Variants in PNPT1 observed in about 807,000 individuals in gnomAD.
PNPT1 encodes the protein polyribonucleotide nucleotidyltransferase 1.
PNPT1 carries 53 observed loss-of-function variants against 119.5 expected under a neutral mutation model. The observed-to-expected ratio is 0.44, with a 90% CI of 0.36 to 0.56. The LOEUF (loss-of-function observed/expected upper bound fraction) is 0.56. PNPT1 is among the 20% of genes least tolerant of loss of function. The pLI is 0.00. For synonymous variants in PNPT1, 357 were observed against 322.1 expected (o/e 1.11, Z -1.16); for missense variants, 948 against 938.5 (o/e 1.01, Z -0.13).
chr2:55,688,500 T>C (rs1322772733), intron 1 of PNPT1, among the ~76,000 whole-genome samples: 3 of 152,062 alleles, frequency 2.0e-5, no homozygotes, highest in African/African-American at 7.2e-5. Context: ...GAGGCAGGCC[T>C]GATCACCCGA....
intron 27 of PNPT1, 89 bp from the exon 28 acceptor site, chr2:55,636,481 TA>T: frequency 7.4e-7 from 1 of 1,359,562 alleles, no homozygotes. Flanking sequence ...ATGGTCCAAA[TA>T]AGGCAATGAT....
rs754895697 is a variant in PNPT1 at position 55,671,333 on chromosome 2, T to G, written c.962A>C (p.Glu321Ala). 6.5e-7 allele frequency: 1 copy of G among 1,537,908 alleles called. No individual in the cohort carries two copies. The highest frequency in any genetic ancestry group is 2.4e-5 in the East Asian group (1 of 42,360). Reference sequence around the variant, plus strand: ...ATAAAATTTACCTTTTAGTTGTTCCTCCGTATCTAATCTTATTTTGTTAAC... The same window carrying G: ...ATAAAATTTACCTTTTAGTTGTTCCGCCGTATCTAATCTTATTTTGTTAAC... ...EAVNKIRLDT[E>A]EQLKEKFPEA... is the part of the protein sequence containing the mutation. Residue 321 changes from glutamate (E) to alanine (A), a missense_variant, in exon 11 of 28, where the codon GAG becomes GCG. Coordinates refer to ENST00000447944, the MANE Select transcript of PNPT1 (RefSeq NM_033109.5).
Position 55,636,133 on chromosome 2 carries a change from T to C in PNPT1, c.*104A>G, listed in dbSNP as rs1695663012. The C allele has an allele frequency of 5.4e-6, 4 of 734,210 alleles. No homozygotes were observed. The highest frequency in any genetic ancestry group is 7.8e-6 in the Non-Finnish European group (4 of 510,606). The allele number at this position is 734,210 out of a possible 1,614,324, so 45.5% of individuals were successfully genotyped here. On this transcript the variant is annotated 3_prime_UTR_variant, in exon 28 of 28. Transcript: ENST00000447944. The stretch of plus-strand genomic sequence containing the variant: ...AGTACAAATAATTAAAATGTATTTA[T>C]ATTATATAGAAATCTACACAATGGA...
At chr2:55,677,537 T>A (rs1470714685) in intron 8 of PNPT1, among the ~76,000 whole-genome samples, 1 of 127,454 alleles carries the variant, frequency 7.8e-6, no homozygotes, top group African/African-American at 3.0e-5. Flanking sequence ...GAGGTTGCAG[T>A]GAGCTGAGAT....
At chr2:55,639,797 G>T (rs1695784592) in intron 26 of PNPT1, among the ~76,000 whole-genome samples, 1 of 152,026 alleles carries the variant, frequency 6.6e-6, no homozygotes, top group Admixed American at 6.6e-5. Context: ...ATGTTGAGGA[G>T]TTCTCCACTA....
chr2:55,640,487 G>T, intron 26 of PNPT1, 140 bp downstream of exon 26: 1 of 732,900 alleles, frequency 1.4e-6, no homozygotes, highest in Non-Finnish European at 2.2e-6. Context: ...AAAACTTTTT[G>T]CCAGCAGCAT....
At position 55,645,426 on chromosome 2, in the gene PNPT1, T is replaced by C. The variant is rs755312763; in HGVS notation, c.1745A>G (p.Lys582Arg). 21 of 1,607,396 alleles carry C rather than the reference T, an allele frequency of 1.3e-5. No homozygotes were observed. Among genetic ancestry groups the C allele is most frequent in the Non-Finnish European group, 1.8e-5 (21 of 1,175,332 alleles). The change falls in exon 22 of 28, where the codon AAA becomes AGA. Residue 582 changes from lysine to arginine, a missense_variant. Transcript: ENST00000447944. The part of the protein sequence containing the change: ...MEAIQQASVA[K>R]KEILQIMNKT... ...GTTCATGATCTGTAATATCTCCTTT[T>C]TTGCCACTAGAAGAGAAAAACACAA...
intron 1 of PNPT1, among the ~76,000 whole-genome samples, chr2:55,691,878 A>ATATTTTTTT (rs1326804958): frequency 1.5e-4 from 5 of 33,124 alleles, no homozygotes; most frequent in Non-Finnish European, 2.3e-4. Flanking sequence ...ATATATATAT[A>ATATTTTTTT]TTTTTTTTTT....
intron 13 of PNPT1, among the ~76,000 whole-genome samples, chr2:55,664,270 G>A (rs1696667494): frequency 6.6e-6 from 1 of 152,130 alleles, no homozygotes; most frequent in African/African-American, 2.4e-5. Context: ...GCACCTAAAT[G>A]GTTGCGAAGT....
chr2:55,641,051 C>T (rs1176156190), intron 25 of PNPT1, among the ~76,000 whole-genome samples: 3 of 151,876 alleles, frequency 2.0e-5, no homozygotes, highest in Non-Finnish European at 4.4e-5. Flanking sequence ...TGGTGAAACC[C>T]CGTCTCTACT....
chr2:55,658,612 T>C (rs1211992394), intron 15 of PNPT1, among the ~76,000 whole-genome samples: 1 of 152,134 alleles, frequency 6.6e-6, no homozygotes, highest in Non-Finnish European at 1.5e-5. Flanking sequence ...CCAACCCCCT[T>C]ACCCAATAAT....
At chr2:55,647,568 G>A in intron 18 of PNPT1, 115 bp from the exon 19 acceptor site, 1 of 645,056 alleles carries the variant, frequency 1.6e-6, no homozygotes. Context: ...TGCCCAGACT[G>A]GAGTGCAGTG....
intron 13 of PNPT1, 109 bp from the exon 14 acceptor site, chr2:55,662,135 C>G (rs1264079069): frequency 2.2e-6 from 2 of 894,564 alleles, no homozygotes; most frequent in African/African-American, 3.5e-5. Flanking sequence ...ATAAGTACAT[C>G]CTACACAAAG....
Position 55,646,442 on chromosome 2 carries a change from G to T in PNPT1, c.1647C>A (p.Gly549=). 6.2e-7 allele frequency: 1 copy of T among 1,612,642 alleles called. No individual in the cohort carries two copies. Among genetic ancestry groups the T allele is most frequent in the Non-Finnish European group, 8.5e-7 (1 of 1,179,486 alleles). ...GTAATGCAGTTATTCCTTTATTAGT[G>T]CCAGCTATTTTGAAGTCCATGTCAC... ...YNGDMDFKIA[G]TNKGITALQA... Residue 549 remains glycine, a synonymous_variant, in exon 20 of 28, where the codon GGC becomes GGA. Coordinates refer to ENST00000447944, the MANE Select transcript of PNPT1 (RefSeq NM_033109.5).
At chr2:55,683,903 C>CTG in intron 4 of PNPT1, 69 bp from the exon 5 acceptor site, 1 of 1,439,302 alleles carries the variant, frequency 6.9e-7, no homozygotes, top group Non-Finnish European at 9.7e-7. Flanking sequence ...AACGTTTGAA[C>CTG]TAATATAGAT....
At chr2:55,645,023 T>A (rs1240726865) in intron 22 of PNPT1, 10 of 153,024 alleles carry the variant, frequency 6.5e-5, no homozygotes, top group Non-Finnish European at 8.3e-5. Context: ...ATCACTAAAA[T>A]TTTTTTTTTT....
At chr2:55,643,944 A>G (rs1028734612) in intron 23 of PNPT1, among the ~76,000 whole-genome samples, 3 of 152,218 alleles carry the variant, frequency 2.0e-5, no homozygotes, top group African/African-American at 7.2e-5. Context: ...TGGGGATACA[A>G]TGGTGAGCCA....
intron 11 of PNPT1, among the ~76,000 whole-genome samples, chr2:55,668,653 G>A (rs577656369): frequency 1.3e-5 from 2 of 152,076 alleles, no homozygotes; most frequent in Admixed American, 1.3e-4. Flanking sequence ...AGGCTAGAGT[G>A]CAATGGCATG....
chr2:55,644,801 T>C, intron 22 of PNPT1, 81 bp from the exon 23 acceptor site: 2 of 985,598 alleles, frequency 2.0e-6, no homozygotes, highest in Non-Finnish European at 2.9e-6. Context: ...CTTGAGATTT[T>C]TTTTTTTTTT....
Sources: allele counts gnomAD v4.1 joint callset (sites outside exome capture counted in the v4.1 genomes callset), GRCh38; gene constraint gnomAD v4.1.1; transcripts MANE v1.5; gene names NCBI Gene and HGNC (gene_info 2026-07-23, HGNC 2026-07-21).